Variants in PPP2R2C observed in about 807,000 individuals in gnomAD.
PPP2R2C encodes protein phosphatase 2 regulatory subunit Bgamma.
Under a neutral mutation model 45.3 loss-of-function variants are expected in PPP2R2C, and 10 were observed. That is an observed-to-expected ratio of 0.22 (90% CI 0.14 to 0.37). PPP2R2C has a LOEUF of 0.37. PPP2R2C is among the 10% of genes least tolerant of loss of function. The pLI is 1.00. For missense variants in PPP2R2C, 308 were observed against 619.7 expected (o/e 0.50, Z 5.34); for synonymous variants, 257 against 245.4 (o/e 1.05, Z -0.44).
chr4:6,528,841 A>T (rs1724302227), intron 2 of PPP2R2C, among the ~76,000 whole-genome samples: 3 of 152,092 alleles, frequency 2.0e-5, no homozygotes, highest in Admixed American at 1.3e-4. Context: ...GCCAGAGAAC[A>T]ACCCCCTTTG....
rs902664601 is a variant in PPP2R2C at position 6,378,579 on chromosome 4, G to A, written c.169-7C>T. 2.5e-6 allele frequency: 4 copies of A among 1,610,872 alleles called. No homozygotes were observed. Among genetic ancestry groups the A allele is most frequent in the South Asian group, 2.2e-5 (2 of 90,762 alleles). On this transcript the variant is annotated splice_region_variant and splice_polypyrimidine_tract_variant and intron_variant, in intron 2 of 8. Transcript: ENST00000382599. The surrounding 1 kb of genome is among the most constrained non-coding windows in gnomAD (Gnocchi z 5.2). ...TGTGGGGCGCATTTTTACTCTGCAG[G>A]GAAACCCGGAGAAGGGGCCTGAGCA... is the stretch of plus-strand genomic sequence containing the variant.
At chr4:6,472,750 G>C (rs2108772019), upstream of PPP2R2C, among the ~76,000 whole-genome samples, 1 of 151,992 alleles carries the variant, frequency 6.6e-6, no homozygotes, top group African/African-American at 2.4e-5. Context: ...CCCTCGCGGT[G>C]GGCACCTTGG....
In PPP2R2C at chr4:6,426,438, T is replaced by C. The variant is rs115415743; in HGVS notation, c.71-45344A>G. ...GGATGGAGAGAAACTTGCCCTCCTG[T>C]GTTCCTGGCTTCAGGAAGAACAGAC... On this transcript the variant is annotated intron_variant, in intron 1 of 8. Coordinates refer to ENST00000382599, the MANE Select transcript of PPP2R2C (RefSeq NM_020416.4). 6.1e-3 allele frequency among the ~76,000 whole-genome samples: 929 copies of C among 152,282 alleles called. 8 individuals are homozygous for C. Among genetic ancestry groups the C allele is most frequent in the African/African-American group, 0.021 (893 of 41,558 alleles).
intron 2 of PPP2R2C, among the ~76,000 whole-genome samples, chr4:6,490,295 C>T (rs1191452540): frequency 6.6e-6 from 1 of 152,222 alleles, no homozygotes; most frequent in Non-Finnish European, 1.5e-5. Flanking sequence ...GAACTCTACC[C>T]AGCCTTCAGC....
At chr4:6,414,812 C>G (rs868552628) in intron 1 of PPP2R2C, among the ~76,000 whole-genome samples, 2 of 152,160 alleles carry the variant, frequency 1.3e-5, no homozygotes, top group Non-Finnish European at 2.9e-5. Context: ...GGCCAATTGC[C>G]TAACCCCTCT....
intron 2 of PPP2R2C, among the ~76,000 whole-genome samples, chr4:6,524,618 A>T (rs1056535696): frequency 1.3e-5 from 2 of 152,188 alleles, no homozygotes; most frequent in African/African-American, 4.8e-5. Context: ...ATGGTTGGCC[A>T]CCTGGGACTG....
At chr4:6,402,552 G>A (rs11722260) in intron 1 of PPP2R2C, among the ~76,000 whole-genome samples, 34,774 of 151,476 alleles carry the variant, frequency 0.23, 4,895 homozygotes, top group East Asian at 0.67. Context: ...CTCCATTTCC[G>A]TAGACATGTC....
chr4:6,449,547 C>T (rs886160331), intron 1 of PPP2R2C, among the ~76,000 whole-genome samples: 1 of 152,254 alleles, frequency 6.6e-6, no homozygotes, highest in Non-Finnish European at 1.5e-5. Flanking sequence ...TGGCCCCTGT[C>T]GGGAGGGACT....
Position 6,321,106 on chromosome 4 carries a change from G to C in PPP2R2C, c.*2196C>G, listed in dbSNP as rs1278690739. 6.6e-6 allele frequency: 1 copy of C among 152,146 alleles called. No individual in the cohort carries two copies. The highest frequency in any genetic ancestry group is 1.5e-5 in the Non-Finnish European group (1 of 68,026). 9.4% of individuals were successfully genotyped at this position (152,146 alleles called of 1,614,324 possible). A position where few individuals can be genotyped will look rare whatever the true frequency, so the allele number is the denominator to read the frequency against. On this transcript the variant is annotated 3_prime_UTR_variant, in exon 9 of 9. Transcript: ENST00000382599. ...GGTTTGGTACCCAAAGTTTAAAACAGAAGTAAGGAACTAGGAACTGTATTA... is the reference window on the plus strand; with the variant it reads ...GGTTTGGTACCCAAAGTTTAAAACACAAGTAAGGAACTAGGAACTGTATTA...
At chr4:6,335,204 C>T (rs1488367302) in intron 6 of PPP2R2C, among the ~76,000 whole-genome samples, 1 of 152,208 alleles carries the variant, frequency 6.6e-6, no homozygotes. Context: ...CTTGCAGATA[C>T]AGACAATAAA....
At chr4:6,437,460 G>C (rs901471485) in intron 1 of PPP2R2C, among the ~76,000 whole-genome samples, 3 of 152,184 alleles carry the variant, frequency 2.0e-5, no homozygotes, top group Admixed American at 1.3e-4. Flanking sequence ...CAGCCAGAGC[G>C]GGGAGTGGCT....
At chr4:6,410,817 G>A (rs990695635) in intron 1 of PPP2R2C, among the ~76,000 whole-genome samples, 8 of 151,804 alleles carry the variant, frequency 5.3e-5, no homozygotes, top group Non-Finnish European at 1.2e-4. Flanking sequence ...CAGCCCTATG[G>A]AGTAGGGACT....
intron 5 of PPP2R2C, among the ~76,000 whole-genome samples, chr4:6,367,321 A>G (rs1016156662): frequency 1.3e-5 from 2 of 152,174 alleles, no homozygotes; most frequent in African/African-American, 4.8e-5. Context: ...GACATGGTGG[A>G]AAACCTCCAG....
At chr4:6,336,456 G>A (rs1359250888) in intron 6 of PPP2R2C, among the ~76,000 whole-genome samples, 3 of 152,038 alleles carry the variant, frequency 2.0e-5, no homozygotes. Context: ...ACCTCCCTGA[G>A]CCCTGGCCTT....
intron 2 of PPP2R2C, among the ~76,000 whole-genome samples, chr4:6,482,906 G>A (rs1018405611): frequency 3.3e-5 from 5 of 152,092 alleles, no homozygotes; most frequent in East Asian, 3.9e-4. Flanking sequence ...TTCTGAGAGC[G>A]TTTCCTTAGA....
intron 1 of PPP2R2C, among the ~76,000 whole-genome samples, chr4:6,463,468 T>A (rs1311317878): frequency 6.6e-6 from 1 of 152,216 alleles, no homozygotes; most frequent in Non-Finnish European, 1.5e-5. Context: ...GCTGGGAACC[T>A]CTGAGCAGCC....
At position 6,471,092 on chromosome 4, in the gene PPP2R2C, G is replaced by A. The variant is rs1005339860; in HGVS notation, c.70+1068C>T. 2.0e-5 allele frequency among the ~76,000 whole-genome samples: 3 copies of A among 152,118 alleles called. No individual in the cohort carries two copies. Among genetic ancestry groups the A allele is most frequent in the Non-Finnish European group, 4.4e-5 (3 of 68,000 alleles). On this transcript the variant is annotated intron_variant, in intron 1 of 8. Transcript: ENST00000382599. This position sits in a 1 kb window ranked among gnomAD's most constrained non-coding sequence, Gnocchi z 5.6. Reference sequence around the variant, plus strand: ...CCGGTCTCCGCCGCCTGGCCCACTCGGTCTCCCTGACACAGGCACCCACGC... The same window carrying A: ...CCGGTCTCCGCCGCCTGGCCCACTCAGTCTCCCTGACACAGGCACCCACGC...
At chr4:6,371,821 G>A (rs554491880) in intron 5 of PPP2R2C, among the ~76,000 whole-genome samples, 1 of 152,314 alleles carries the variant, frequency 6.6e-6, no homozygotes, top group South Asian at 2.1e-4. Flanking sequence ...CTCACTGTGT[G>A]TTATTATAAT....
chr4:6,365,028 C>A (rs1714158944), intron 5 of PPP2R2C, among the ~76,000 whole-genome samples: 1 of 152,160 alleles, frequency 6.6e-6, no homozygotes, highest in Admixed American at 6.5e-5. Flanking sequence ...CCTTGCAGAA[C>A]TGAAAAACAA....
Sources: allele counts gnomAD v4.1 joint callset (sites outside exome capture counted in the v4.1 genomes callset), GRCh38; gene constraint gnomAD v4.1.1; non-coding constraint Gnocchi (gnomAD v3.1); transcripts MANE v1.5; gene names NCBI Gene and HGNC (gene_info 2026-07-23, HGNC 2026-07-21).